The following RFX7 variants were observed in gnomAD, a reference collection of about 807,000 sequenced individuals.
RFX7 encodes the protein regulatory factor X7.
In RFX7, 26 loss-of-function variants were observed where a neutral mutation model predicts 111.8. The ratio of observed to expected loss-of-function variants is 0.23; its 90% CI spans 0.17 to 0.32. The LOEUF (loss-of-function observed/expected upper bound fraction) is 0.32, where lower values mean the gene tolerates loss of function less well. Among genes scored for constraint, RFX7 ranks in the 10% least tolerant of loss-of-function variants. RFX7 has a pLI of 1.00. For missense variants in RFX7, 1,573 were observed against 1,772.9 expected (o/e 0.89, Z 2.02); for synonymous variants, 624 against 624.4 (o/e 1.00, Z 0.01).
rs865887663 is a variant in RFX7, at chr15:56,138,750, G to A, written c.401+4028C>T. Among the ~76,000 whole-genome samples, 68 of 152,196 alleles carry A rather than the reference G, an allele frequency of 4.5e-4. No individual in the cohort carries two copies. The Middle Eastern group carries it at 0.014, about 30-fold the overall frequency. On this transcript the variant is annotated intron_variant, in intron 5 of 9. Coordinates refer to ENST00000559447, the MANE Select transcript of RFX7 (RefSeq NM_022841.7). ...TTTTGGCATGATTTTGCAGCAGCTG[G>A]TACTGGTTTTTCCTTTCCATGTTTA...
chr15:56,176,174 A>C (rs2042900789), intron 3 of RFX7, among the ~76,000 whole-genome samples: 1 of 152,206 alleles, frequency 6.6e-6, no homozygotes, highest in Non-Finnish European at 1.5e-5. Context: ...ATAGAGCTTC[A>C]GAGAGAAGAG....
intron 2 of RFX7, among the ~76,000 whole-genome samples, chr15:56,229,949 T>A (rs1567054175): frequency 1.3e-5 from 2 of 152,126 alleles, no homozygotes; most frequent in Admixed American, 1.3e-4. Flanking sequence ...TAGTCCTATT[T>A]CTTCCATACT....
At chr15:56,198,862 T>C (rs892482971) in intron 2 of RFX7, among the ~76,000 whole-genome samples, 1 of 152,068 alleles carries the variant, frequency 6.6e-6, no homozygotes, top group Non-Finnish European at 1.5e-5. Context: ...TTTTTTACAA[T>C]GAAAAGTTAA....
chr15:56,105,182 C>T (rs1190739327), intron 5 of RFX7, among the ~76,000 whole-genome samples: 5 of 152,170 alleles, frequency 3.3e-5, no homozygotes, highest in African/African-American at 1.2e-4. Flanking sequence ...TTTCAAGTCT[C>T]TGCTTAAATT....
Position 56,087,398 on chromosome 15 carries a change from C to G in RFX7, c.*5947G>C. The G allele has an allele frequency of 2.2e-6, 1 of 456,616 alleles. No homozygotes were observed. Among genetic ancestry groups the G allele is most frequent in the Non-Finnish European group, 4.4e-6 (1 of 226,908 alleles). 28.3% of individuals were successfully genotyped at this position (456,616 alleles called of 1,614,324 possible). ...TCATCATGCCCTGGGCTCCTTGTATCTTGTTGCTCAATCATCCTCAGCATG... is the reference window on the plus strand; with the variant it reads ...TCATCATGCCCTGGGCTCCTTGTATGTTGTTGCTCAATCATCCTCAGCATG... On this transcript the variant is annotated 3_prime_UTR_variant, in exon 10 of 10. Transcript: ENST00000559447.
rs544258393 is a variant in RFX7 at position 56,093,997 on chromosome 15, G to A, written c.3731C>T (p.Ala1244Val). The change falls in exon 10 of 10, where the codon GCA becomes GTA. Residue 1244 changes from alanine (A) to valine (V), a missense_variant. Around this residue, in one of 7 missense-constraint regions of RFX7, gnomAD observed 411 missense variants for 478.1 expected, o/e 0.86. Coordinates refer to ENST00000559447, the MANE Select transcript of RFX7 (RefSeq NM_022841.7). ...TAFPNALQKQANSKKITNVLL... is the reference protein window; with the variant it reads ...TAFPNALQKQVNSKKITNVLL... ...AACATTGGTTATTTTTTTACTGTTTGCTTGCTTCTGAAGAGCGTTTGGGAA... is the reference window on the plus strand; with the variant it reads ...AACATTGGTTATTTTTTTACTGTTTACTTGCTTCTGAAGAGCGTTTGGGAA... 1.2e-6 allele frequency: 2 copies of A among 1,613,814 alleles called. No individual in the cohort carries two copies. The highest frequency in any genetic ancestry group is 1.3e-5 in the African/African-American group (1 of 74,906).
At chr15:56,227,506 A>G (rs2043497979) in intron 2 of RFX7, among the ~76,000 whole-genome samples, 1 of 152,138 alleles carries the variant, frequency 6.6e-6, no homozygotes, top group Non-Finnish European at 1.5e-5. Context: ...TTAGCAACCA[A>G]TTACACTTCC....
intron 5 of RFX7, among the ~76,000 whole-genome samples, chr15:56,140,482 C>T (rs911197908): frequency 5.3e-5 from 8 of 152,220 alleles, no homozygotes; most frequent in East Asian, 3.9e-4. Context: ...GGCTGGCGCA[C>T]GGTGCACGCA....
rs1434507924 is a variant in RFX7, at chr15:56,088,009, GA to G, written c.*5335del. The G allele has an allele frequency of 1.9e-5, 6 of 315,962 alleles. No individual in the cohort carries two copies. The highest frequency in any genetic ancestry group is 1.1e-4 in the East Asian group (1 of 9,510). 19.6% of individuals were successfully genotyped at this position (315,962 alleles called of 1,614,324 possible). ...GGTATTTCTATGGAGAGAAGGGAGGGAAAAGGATTCAAGTAATTTGGAGGAA... is the reference window on the plus strand; with the variant it reads ...GGTATTTCTATGGAGAGAAGGGAGGGAAAGGATTCAAGTAATTTGGAGGAA... On this transcript the variant is annotated 3_prime_UTR_variant, in exon 10 of 10. Coordinates refer to ENST00000559447, the MANE Select transcript of RFX7 (RefSeq NM_022841.7).
At chr15:56,140,270 T>G (rs2042371758) in intron 5 of RFX7, among the ~76,000 whole-genome samples, 1 of 152,196 alleles carries the variant, frequency 6.6e-6, no homozygotes, top group Non-Finnish European at 1.5e-5. Context: ...TCAGTGAGAC[T>G]CCATGGGCGT....
At chr15:56,152,151 G>C (rs751632437) in intron 3 of RFX7, among the ~76,000 whole-genome samples, 2 of 152,188 alleles carry the variant, frequency 1.3e-5, no homozygotes, top group Admixed American at 6.5e-5. Flanking sequence ...AAATGAGATA[G>C]AAAATTAACA....
chr15:56,186,152 C>T (rs887267114), intron 2 of RFX7, among the ~76,000 whole-genome samples: 1 of 152,180 alleles, frequency 6.6e-6, no homozygotes, highest in Non-Finnish European at 1.5e-5. Flanking sequence ...CCTGAGCAAA[C>T]AGCAAGCTTA....
In RFX7 at chr15:56,096,138, C is replaced by A; in HGVS notation, c.1590G>T (p.Gly530=). 1 of 1,613,810 alleles carries A rather than the reference C, an allele frequency of 6.2e-7. No homozygotes were observed. Among genetic ancestry groups the A allele is most frequent in the African/African-American group, 1.3e-5 (1 of 75,004 alleles). The part of the protein sequence containing the change: ...QSPGSRSSSA[G]GTSAVEVKVE... ...CTTTGACTTCCACAGCAGATGTTCC[C>A]CCCGCACTGCTGCTCCTGGACCCAG... The change falls in exon 10 of 10, where the codon GGG becomes GGT. Residue 530 remains glycine (G), a synonymous_variant. Coordinates refer to ENST00000559447, the MANE Select transcript of RFX7 (RefSeq NM_022841.7).
intron 3 of RFX7, among the ~76,000 whole-genome samples, chr15:56,162,764 T>G (rs530657096): frequency 6.6e-6 from 1 of 152,254 alleles, no homozygotes; most frequent in African/African-American, 2.4e-5. Context: ...GGCATGGCCT[T>G]ATATAAATTA....
chr15:56,163,727 TATC>T (rs2141091692), intron 3 of RFX7, among the ~76,000 whole-genome samples: 1 of 152,270 alleles, frequency 6.6e-6, no homozygotes, highest in East Asian at 1.9e-4. Flanking sequence ...TCAAAACAGT[TATC>T]ATTATTCTTT....
intron 5 of RFX7, among the ~76,000 whole-genome samples, chr15:56,139,993 G>A (rs1329117518): frequency 6.6e-6 from 1 of 152,132 alleles, no homozygotes; most frequent in Non-Finnish European, 1.5e-5. Context: ...CCAGCTGCGT[G>A]CTGGGAGAAC....
chr15:56,135,614 G>A (rs1179892842), intron 5 of RFX7, among the ~76,000 whole-genome samples: 2 of 151,946 alleles, frequency 1.3e-5, no homozygotes, highest in Non-Finnish European at 2.9e-5. Context: ...AAGCTCTTTA[G>A]TTTAATTAGA....
At chr15:56,216,676 C>T (rs2043365747) in intron 2 of RFX7, among the ~76,000 whole-genome samples, 1 of 152,138 alleles carries the variant, frequency 6.6e-6, no homozygotes. Flanking sequence ...AAGCTTAACT[C>T]ATTAATTTTC....
At chr15:56,170,755 T>C (rs548242474) in intron 3 of RFX7, among the ~76,000 whole-genome samples, 1 of 152,322 alleles carries the variant, frequency 6.6e-6, no homozygotes, top group Admixed American at 6.5e-5. Flanking sequence ...CTGATTACCA[T>C]ATTGAATAGT....
Sources: allele counts gnomAD v4.1 joint callset (sites outside exome capture counted in the v4.1 genomes callset), GRCh38; gene constraint gnomAD v4.1.1; regional missense constraint gnomAD v4.1.1; transcripts MANE v1.5; gene names NCBI Gene and HGNC (gene_info 2026-07-23, HGNC 2026-07-21).